DIP2B: variants seen among roughly 807,000 people sequenced by gnomAD.
The protein encoded by DIP2B is disco-interacting protein 2 homolog B.
DIP2B carries 76 observed loss-of-function variants against 198.0 expected under a neutral mutation model. That is an observed-to-expected ratio of 0.38 (90% CI 0.32 to 0.46). The LOEUF (loss-of-function observed/expected upper bound fraction) is 0.46. DIP2B is among the 20% of genes least tolerant of loss of function. The probability of loss-of-function intolerance (pLI) is 0.99; values close to 1 mark genes in which losing one functional copy is unlikely to be tolerated. For synonymous variants in DIP2B, 701 were observed against 739.1 expected (o/e 0.95, Z 0.84); for missense variants, 1,559 against 1,978.4 (o/e 0.79, Z 4.02).
At chr12:50,557,432 C>T (rs1958481122) in intron 1 of DIP2B, among the ~76,000 whole-genome samples, 2 of 152,158 alleles carry the variant, frequency 1.3e-5, no homozygotes, top group Non-Finnish European at 1.5e-5. Context: ...CACTTTGGGG[C>T]GGGCACCATC....
At position 50,674,617 on chromosome 12, in the gene DIP2B, G is replaced by C. The variant is rs1290969997; in HGVS notation, c.784G>C (p.Asp262His). 6.2e-7 allele frequency: 1 copy of C among 1,614,150 alleles called. No individual in the cohort carries two copies. The highest frequency in any genetic ancestry group is 2.2e-5 in the East Asian group (1 of 44,874). The change falls in exon 6 of 38, where the codon GAT becomes CAT. Residue 262 changes from aspartate to histidine, a missense_variant. Asp to His is a moderately conservative substitution (Grantham distance 81). Transcript: ENST00000301180. Reference protein sequence around the residue: ...HKGSNRSSLMDTADGVPVSSR... With the variant: ...HKGSNRSSLMHTADGVPVSSR... ...AGGATCCAACAGGTCCAGCCTTATG[G>C]ATACAGCTGATGGTAAGGAGTTGTT...
intron 1 of DIP2B, among the ~76,000 whole-genome samples, chr12:50,557,739 A>G (rs758923309): frequency 6.6e-6 from 1 of 152,232 alleles, no homozygotes; most frequent in Non-Finnish European, 1.5e-5. Context: ...TTGGTTACAT[A>G]AGCTTAGTGG....
chr12:50,733,391 A>G (rs944696563), intron 32 of DIP2B, among the ~76,000 whole-genome samples: 1 of 152,044 alleles, frequency 6.6e-6, no homozygotes, highest in Non-Finnish European at 1.5e-5. Context: ...TTAATGTGTA[A>G]TAAGGCAAAT....
chr12:50,740,297 C>T lies in DIP2B; in HGVS notation c.4354+711C>T, dbSNP rs547205956. 3.2e-4 allele frequency among the ~76,000 whole-genome samples: 49 copies of T among 152,336 alleles called. 1 individual carries two copies. The South Asian group carries it at 0.01, about 32-fold the overall frequency. ...TAGTTCCCCAGATTTCATGGAGAGG[C>T]AGGGGCAACCCAGGGGAGCAGAGGG... On this transcript the variant is annotated intron_variant, in intron 36 of 37. Coordinates refer to ENST00000301180, the MANE Select transcript of DIP2B (RefSeq NM_173602.3).
intron 22 of DIP2B, among the ~76,000 whole-genome samples, chr12:50,714,097 A>T (rs1332512866): frequency 2.6e-5 from 4 of 152,224 alleles, no homozygotes; most frequent in Non-Finnish European, 5.9e-5. Flanking sequence ...CCCTGTCTCT[A>T]AAAAGAATAA....
intron 1 of DIP2B, among the ~76,000 whole-genome samples, chr12:50,614,238 A>G (rs912300978): frequency 3.3e-5 from 5 of 151,992 alleles, no homozygotes; most frequent in Non-Finnish European, 2.9e-5. Flanking sequence ...TCCTTATTTT[A>G]TATTTGTGAC....
chr12:50,718,605 T>G, intron 23 of DIP2B, 104 bp from the exon 24 acceptor site: 1 of 959,316 alleles, frequency 1.0e-6, no homozygotes, highest in Non-Finnish European at 1.6e-6. Context: ...TCAGGCAGTA[T>G]TGTTGGATGA....
intron 1 of DIP2B, among the ~76,000 whole-genome samples, chr12:50,536,688 C>T (rs946810760): frequency 1.6e-4 from 24 of 151,770 alleles, no homozygotes; most frequent in Non-Finnish European, 3.2e-4. Context: ...CCACCTCAGC[C>T]TCTCGAGTAG....
chr12:50,651,183 AT>A (rs1290907795), intron 3 of DIP2B, among the ~76,000 whole-genome samples: 2 of 151,910 alleles, frequency 1.3e-5, no homozygotes, highest in African/African-American at 2.4e-5. Context: ...ACTTGGGTTA[AT>A]TTTTTTTGTT....
chr12:50,579,724 G>T (rs1958706073), intron 1 of DIP2B, among the ~76,000 whole-genome samples: 22 of 108,626 alleles, frequency 2.0e-4, no homozygotes, highest in African/African-American at 2.4e-4. Flanking sequence ...TATATACATA[G>T]CTTCATGGAC....
chr12:50,647,901 G>C (rs141881074), intron 3 of DIP2B, among the ~76,000 whole-genome samples: 1 of 152,188 alleles, frequency 6.6e-6, no homozygotes, highest in East Asian at 1.9e-4. Flanking sequence ...GATTGCTTGA[G>C]GTCAGGAGTT....
chr12:50,545,758 C>T (rs1432803151), intron 1 of DIP2B, among the ~76,000 whole-genome samples: 1 of 151,138 alleles, frequency 6.6e-6, no homozygotes, highest in African/African-American at 2.4e-5. Context: ...GCCTCTGACT[C>T]CCAAGTAGCT....
intron 1 of DIP2B, among the ~76,000 whole-genome samples, chr12:50,599,865 T>C (rs894078557): frequency 6.6e-6 from 1 of 152,172 alleles, no homozygotes; most frequent in African/African-American, 2.4e-5. Context: ...CAATAGGAGA[T>C]TTTTGAGATT....
intron 1 of DIP2B, among the ~76,000 whole-genome samples, chr12:50,582,443 C>T (rs1958734258): frequency 1.3e-5 from 2 of 152,144 alleles, no homozygotes; most frequent in South Asian, 4.1e-4. Flanking sequence ...ACCCACCACA[C>T]CTGGCCTAAT....
chr12:50,723,448 C>T, intron 27 of DIP2B, 125 bp downstream of exon 27: 1 of 1,335,004 alleles, frequency 7.5e-7, no homozygotes, highest in Non-Finnish European at 1.0e-6. Context: ...TGGAGACTAC[C>T]TCCTTTTTGT....
rs961900823 is a variant in DIP2B, at chr12:50,746,419, C to T, written c.*1580C>T. On this transcript the variant is annotated 3_prime_UTR_variant, in exon 38 of 38. Transcript: ENST00000301180. ...GTATGTTTTTAAACAATTTTTAAGA[C>T]TTGTAATTACCCTGAAAATAAGGTT... 2 of 152,096 alleles carry T rather than the reference C, an allele frequency of 1.3e-5. No individual in the cohort carries two copies. Among genetic ancestry groups the T allele is most frequent in the Non-Finnish European group, 2.9e-5 (2 of 68,024 alleles). 9.4% of individuals were successfully genotyped at this position (152,096 alleles called of 1,614,324 possible). A position where few individuals can be genotyped will look rare whatever the true frequency, so the allele number is the denominator to read the frequency against.
At chr12:50,539,840 T>G (rs939226313) in intron 1 of DIP2B, among the ~76,000 whole-genome samples, 1 of 152,008 alleles carries the variant, frequency 6.6e-6, no homozygotes, top group Non-Finnish European at 1.5e-5. Context: ...AATATATTAT[T>G]TAGTTTTACA....
In DIP2B at chr12:50,558,444, A is replaced by G. The variant is rs147049882; in HGVS notation, c.100+53204A>G. On this transcript the variant is annotated intron_variant, in intron 1 of 37. Coordinates refer to ENST00000301180, the MANE Select transcript of DIP2B (RefSeq NM_173602.3). ...TATAAGGGAACCTTAGGAACCCTCT[A>G]TTCTAACACTGTTTACAGATGTGGA... Among the ~76,000 whole-genome samples the G allele has an allele frequency of 1.5e-3, 223 of 152,324 alleles. 2 individuals carry two copies. Among genetic ancestry groups the G allele is most frequent in the African/African-American group, 4.6e-3 (192 of 41,576 alleles).
chr12:50,708,652 CCTTA>C, intron 22 of DIP2B, 90 bp downstream of exon 22: 3 of 1,021,200 alleles, frequency 2.9e-6, no homozygotes, highest in Middle Eastern at 2.9e-4. Context: ...AGTAATGCCA[CCTTA>C]CTTCTTGCCA....
Sources: gnomAD v4.1 joint callset for allele counts (sites outside exome capture counted in the v4.1 genomes callset) on GRCh38, gnomAD v4.1.1 for gene constraint, MANE v1.5 for transcripts, NCBI Gene and HGNC (gene_info 2026-07-23, HGNC 2026-07-21) for gene names.